ABCG1: variants seen among roughly 807,000 people sequenced by gnomAD.
The protein encoded by ABCG1 is ATP binding cassette subfamily G member 1, also known as ATP-binding cassette sub-family G member 1.
A neutral mutation model predicts 69.2 loss-of-function variants in ABCG1; 29 were observed. The ratio of observed to expected loss-of-function variants is 0.42; its 90% CI spans 0.31 to 0.57. ABCG1 has a LOEUF of 0.57. ABCG1 is among the 20% of genes least tolerant of loss of function. The probability of loss-of-function intolerance (pLI) is 0.15; values close to 1 mark genes in which losing one functional copy is unlikely to be tolerated. For synonymous variants in ABCG1, 370 were observed against 374.8 expected, an observed-to-expected ratio of 0.99 and a Z score of 0.15; for missense variants, 718 against 898.1, an observed-to-expected ratio of 0.80 and a Z score of 2.56.
At chr21:42,268,508 G>A (rs774437829) in intron 2 of ABCG1, among the ~76,000 whole-genome samples, 8 of 152,094 alleles carry the variant, frequency 5.3e-5, no homozygotes, top group African/African-American at 1.7e-4. Context: ...TGTTGTACCC[G>A]GGCTGTCCCA....
intron 2 of ABCG1, among the ~76,000 whole-genome samples, chr21:42,226,259 T>G (rs190621754): frequency 2.6e-5 from 4 of 152,146 alleles, no homozygotes; most frequent in African/African-American, 9.7e-5. Flanking sequence ...TCTTTCAAGA[T>G]GGAACTGTTT....
upstream of ABCG1, among the ~76,000 whole-genome samples, chr21:42,214,174 T>C (rs1236719048): frequency 1.3e-5 from 2 of 152,204 alleles, no homozygotes; most frequent in African/African-American, 2.4e-5. Flanking sequence ...TACTAAGAGG[T>C]GTGGCCTCTG....
intron 2 of ABCG1, among the ~76,000 whole-genome samples, chr21:42,233,212 C>T (rs1324435951): frequency 6.6e-6 from 1 of 152,166 alleles, no homozygotes; most frequent in Non-Finnish European, 1.5e-5. Flanking sequence ...CACCTCCGTG[C>T]TCTGTGGGGT....
At chr21:42,215,718 G>A (rs1396800635), upstream of ABCG1, among the ~76,000 whole-genome samples, 13 of 152,224 alleles carry the variant, frequency 8.5e-5, no homozygotes, top group Admixed American at 8.5e-4. Flanking sequence ...GAGACTGGGG[G>A]CATCTGGTCC....
At chr21:42,263,403 G>A (rs1569225474) in intron 2 of ABCG1, among the ~76,000 whole-genome samples, 2 of 152,164 alleles carry the variant, frequency 1.3e-5, no homozygotes, top group Non-Finnish European at 2.9e-5. Flanking sequence ...AAAGTAGTTA[G>A]CCCTGAAGCG....
At chr21:42,202,757 G>A (rs1039016285) in intron 2 of ABCG1, among the ~76,000 whole-genome samples, 1 of 152,148 alleles carries the variant, frequency 6.6e-6, no homozygotes, top group East Asian at 1.9e-4. Flanking sequence ...GACTACAGGT[G>A]CCCACCACCA....
At chr21:42,215,022 C>T (rs1209305628), upstream of ABCG1, among the ~76,000 whole-genome samples, 1 of 152,222 alleles carries the variant, frequency 6.6e-6, no homozygotes, top group Non-Finnish European at 1.5e-5. Flanking sequence ...CAGCCGAAGA[C>T]ACAGCAGGCA....
At chr21:42,210,063 G>A (rs890273265) in intron 2 of ABCG1, among the ~76,000 whole-genome samples, 2 of 151,722 alleles carry the variant, frequency 1.3e-5, no homozygotes, top group Admixed American at 6.6e-5. Flanking sequence ...CTTCGTCTCC[G>A]GCTCTACTTC....
chr21:42,219,098 G>C, upstream of ABCG1: 1 of 539,416 alleles, frequency 1.9e-6, no homozygotes, highest in South Asian at 8.2e-5. This position sits in a 1 kb window ranked among gnomAD's most constrained non-coding sequence, Gnocchi z 5.3. Flanking sequence ...CTCGGGGCGG[G>C]GTCGGGCGCG....
chr21:42,281,015 G>A (rs1453328099), intron 5 of ABCG1, among the ~76,000 whole-genome samples: 1 of 152,274 alleles, frequency 6.6e-6, no homozygotes, highest in African/African-American at 2.4e-5. Context: ...TCAGCAAGGA[G>A]GTTCAGGACA....
chr21:42,243,437 T>A (rs1240704579), intron 2 of ABCG1, among the ~76,000 whole-genome samples: 2 of 71,466 alleles, frequency 2.8e-5, no homozygotes, highest in African/African-American at 1.7e-4. Flanking sequence ...TTTAATACCG[T>A]GTGTGTGCGC....
At chr21:42,254,842 G>C (rs2068277136) in intron 2 of ABCG1, among the ~76,000 whole-genome samples, 1 of 152,208 alleles carries the variant, frequency 6.6e-6, no homozygotes, top group African/African-American at 2.4e-5. Flanking sequence ...GAGATGAATG[G>C]GGAGCGAGGG....
chr21:42,218,547 A>C (rs2067668065), upstream of ABCG1, among the ~76,000 whole-genome samples: 1 of 152,222 alleles, frequency 6.6e-6, no homozygotes, highest in African/African-American at 2.4e-5. Flanking sequence ...GTAACCCAGC[A>C]CTTAGCACCA....
intron 1 of ABCG1, among the ~76,000 whole-genome samples, chr21:42,224,822 T>G (rs1262017879): frequency 6.6e-6 from 1 of 152,200 alleles, no homozygotes; most frequent in African/African-American, 2.4e-5. Context: ...TTTCTTTGCA[T>G]AGGTACTTCT....
intron 2 of ABCG1, among the ~76,000 whole-genome samples, chr21:42,232,661 G>A (rs996379215): frequency 1.3e-5 from 2 of 152,172 alleles, no homozygotes; most frequent in Admixed American, 6.5e-5. Flanking sequence ...CACCTGCATG[G>A]TGGGTGCCCC....
chr21:42,212,780 G>A (rs1278944024), upstream of ABCG1, among the ~76,000 whole-genome samples: 5 of 147,184 alleles, frequency 3.4e-5, no homozygotes, highest in African/African-American at 5.1e-5. Flanking sequence ...TGCAAGCTCC[G>A]CTTCCCGGGT....
chr21:42,287,014 C>T lies in ABCG1; in HGVS notation c.974-875C>T, dbSNP rs537393633. On this transcript the variant is annotated intron_variant, in intron 8 of 14. Transcript: ENST00000398449. The surrounding 1 kb of genome is among the most constrained non-coding windows in gnomAD (Gnocchi z 6.2). ...TTCATCTAGGAGGTGTGGTGGCCTC[C>T]GTACCAGCTGGGAGGAAGCGGGTAG... Among the ~76,000 whole-genome samples, 15 of 152,244 alleles carry T rather than the reference C, an allele frequency of 9.9e-5. No homozygotes were observed. Among genetic ancestry groups the T allele is most frequent in the South Asian group, 2.1e-4 (1 of 4,820 alleles).
intron 7 of ABCG1, among the ~76,000 whole-genome samples, chr21:42,285,363 C>A (rs111299919): frequency 6.6e-6 from 1 of 151,784 alleles, no homozygotes; most frequent in African/African-American, 2.4e-5. Flanking sequence ...AAAATTATCC[C>A]GGTGTGGTGG....
rs199762019 is a variant in ABCG1, at chr21:42,284,573, G to A, written c.748G>A (p.Ala250Thr). The A allele has an allele frequency of 1.2e-4, 196 of 1,613,438 alleles. 2 individuals are homozygous for A. The South Asian group carries it at 1.6e-3, about 13-fold the overall frequency. The change falls in exon 7 of 15, where the codon GCC becomes ACC. Residue 250 changes from alanine (A) to threonine (T), a missense_variant. By Grantham distance (58) the Ala-to-Thr change is moderately conservative. This residue lies in a region of ABCG1 where 514 missense variants were observed against 574.3 expected (regional missense o/e 0.90). Transcript: ENST00000398449. ...FDEPTSGLDS[A>T]SCFQVVSLMK... ...CTTGACTTGCAGCGGCCTGGACAGC[G>A]CCTCCTGCTTCCAGGTGGTCTCGCT...
Sources: gnomAD v4.1 joint callset for allele counts (sites outside exome capture counted in the v4.1 genomes callset) on GRCh38, gnomAD v4.1.1 for gene constraint, gnomAD v4.1.1 regional missense constraint, Gnocchi (gnomAD v3.1) non-coding constraint, MANE v1.5 for transcripts, NCBI Gene and HGNC (gene_info 2026-07-23, HGNC 2026-07-21) for gene names.